Variants in SULT1C4 observed in about 807,000 individuals in gnomAD.
SULT1C4 encodes the protein sulfotransferase family 1C member 4, also known as sulfotransferase 1C4.
Under a neutral mutation model 34.8 loss-of-function variants are expected in SULT1C4, and 32 were observed. The observed-to-expected ratio is 0.92, with a 90% CI of 0.69 to 1.23. The LOEUF is 1.23. Among genes scored for constraint, SULT1C4 ranks in the 50% most tolerant of loss-of-function variants. The probability of loss-of-function intolerance (pLI) is 0.00; values close to 1 mark genes in which losing one functional copy is unlikely to be tolerated. For synonymous variants in SULT1C4, 111 were observed against 120.5 expected, an observed-to-expected ratio of 0.92 and a Z score of 0.51; for missense variants, 375 against 365.9, an observed-to-expected ratio of 1.02 and a Z score of -0.20.
intron 5 of SULT1C4, 147 bp from the exon 6 acceptor site, chr2:108,386,045 G>T (rs959914105): frequency 3.3e-6 from 2 of 610,450 alleles, no homozygotes; most frequent in Admixed American, 4.2e-5. Flanking sequence ...GGGTCATCAC[G>T]TTAAAATGAG....
Position 108,382,757 on chromosome 2 carries a change from A to C in SULT1C4, c.393+275A>C, listed in dbSNP as rs1573295706. 7.3e-6 allele frequency: 3 copies of C among 411,052 alleles called. No homozygotes were observed. The East Asian group carries it at 1.4e-4, about 20-fold the overall frequency. 25.5% of individuals were successfully genotyped at this position (411,052 alleles called of 1,614,324 possible). A position where few individuals can be genotyped will look rare whatever the true frequency, so the allele number is the denominator to read the frequency against. ...CATCTCTACCAAAAACACAAAATTC[A>C]CAGGACGTGGTGACACATGCCTGTA... On this transcript the variant is annotated intron_variant, in intron 3 of 6. Coordinates refer to ENST00000272452, the MANE Select transcript of SULT1C4 (RefSeq NM_006588.4).
intron 1 of SULT1C4, 61 bp from the exon 2 acceptor site, chr2:108,381,701 C>G: frequency 3.8e-6 from 5 of 1,315,318 alleles, no homozygotes; most frequent in Non-Finnish European, 4.9e-6. Context: ...AGTATTTGAT[C>G]ATATTTTAAG....
chr2:108,387,259 A>G, intron 6 of SULT1C4, 61 bp from the exon 7 acceptor site: 1 of 1,264,996 alleles, frequency 7.9e-7, no homozygotes, highest in Non-Finnish European at 1.1e-6. Context: ...GAAACAGGAG[A>G]ATAGGGAAGC....
In SULT1C4 at chr2:108,378,511, G is replaced by A. The variant is rs773766522; in HGVS notation, c.169+5G>A. On this transcript the variant is annotated splice_donor_5th_base_variant and intron_variant, in intron 1 of 6. Transcript: ENST00000272452. ...TTTCTACCTATCCTAAAGCAGGTAGGTGGAAGGGCTTGCAGGGGAAGGGGA... is the reference window on the plus strand; with the variant it reads ...TTTCTACCTATCCTAAAGCAGGTAGATGGAAGGGCTTGCAGGGGAAGGGGA... 6.2e-6 allele frequency: 10 copies of A among 1,613,350 alleles called. No individual in the cohort carries two copies. The highest frequency in any genetic ancestry group is 8.5e-6 in the Non-Finnish European group (10 of 1,179,624).
chr2:108,380,690 G>C (rs964370225), intron 1 of SULT1C4, among the ~76,000 whole-genome samples: 3 of 152,168 alleles, frequency 2.0e-5, no homozygotes, highest in Non-Finnish European at 2.9e-5. Flanking sequence ...TGAAGCTGGG[G>C]GATACCATTC....
chr2:108,387,349 A>G lies in SULT1C4; in HGVS notation c.826A>G (p.Thr276Ala), dbSNP rs1308247155. Residue 276 changes from threonine (T) to alanine (A), a missense_variant, in exon 7 of 7, where the codon ACC becomes GCC. Coordinates refer to ENST00000272452, the MANE Select transcript of SULT1C4 (RefSeq NM_006588.4). ...AGTGGGAGACTGGAAGAAACACTTC[A>G]CCGTGGCTCAGAATGAGAGATTTGA... ...GAVGDWKKHF[T>A]VAQNERFDED... is the part of the protein sequence containing the mutation. The G allele has an allele frequency of 6.2e-7, 1 of 1,613,818 alleles. No individual in the cohort carries two copies. The highest frequency in any genetic ancestry group is 1.7e-5 in the Admixed American group (1 of 59,964).
Position 108,381,825 on chromosome 2 carries a change from A to G in SULT1C4, c.233A>G (p.Lys78Arg). ...AATGAAGGTGATGTGGAGAAAAGTA[A>G]ACGGGCACCGACTCATCAACGATTT... ...IQNEGDVEKS[K>R]RAPTHQRFPF... Residue 78 changes from lysine (K) to arginine (R), a missense_variant, in exon 2 of 7, where the codon AAA becomes AGA. Coordinates refer to ENST00000272452, the MANE Select transcript of SULT1C4 (RefSeq NM_006588.4). 6.6e-7 allele frequency: 1 copy of G among 1,503,938 alleles called. No individual in the cohort carries two copies. Among genetic ancestry groups the G allele is most frequent in the Non-Finnish European group, 8.8e-7 (1 of 1,131,118 alleles). The allele number at this position is 1,503,938 out of a possible 1,614,324, so 93.2% of individuals were successfully genotyped here.
In SULT1C4 at chr2:108,386,229, T is replaced by C. The variant is rs1435244240; in HGVS notation, c.653T>C (p.Ile218Thr). 1.9e-6 allele frequency: 3 copies of C among 1,542,842 alleles called. No individual in the cohort carries two copies. Among genetic ancestry groups the C allele is most frequent in the East Asian group, 2.3e-5 (1 of 42,802 alleles). Residue 218 changes from isoleucine (I) to threonine (T), a missense_variant, in exon 6 of 7, where the codon ATT becomes ACT. By Grantham distance (89) the Ile-to-Thr change is moderately conservative (BLOSUM62 -1). Transcript: ENST00000272452. ...GAAATTCAGAAGCTGGCAGAATTTA[T>C]TGGGAAGAAATTAGATGACAAAGTT... Reference protein sequence around the residue: ...KHEIQKLAEFIGKKLDDKVLD... With the variant: ...KHEIQKLAEFTGKKLDDKVLD...
chr2:108,385,809 C>T (rs924407766), intron 5 of SULT1C4, among the ~76,000 whole-genome samples: 3 of 152,178 alleles, frequency 2.0e-5, no homozygotes, highest in Non-Finnish European at 2.9e-5. Context: ...ATGTCAGAAA[C>T]AGGATGTAGC....
At chr2:108,381,908 T>G in intron 2 of SULT1C4, 21 bp downstream of exon 2, 1 of 1,463,222 alleles carries the variant, frequency 6.8e-7, no homozygotes, top group East Asian at 2.6e-5. Context: ...ATAGCCACAC[T>G]TCACTACAGT....
intron 6 of SULT1C4, 133 bp from the exon 7 acceptor site, chr2:108,387,187 G>A: frequency 1.6e-6 from 1 of 628,314 alleles, no homozygotes; most frequent in Non-Finnish European, 2.7e-6. Context: ...TGACAGGATA[G>A]CAAGAGAAAC....
chr2:108,385,494 T>G (rs1042909648), intron 5 of SULT1C4, among the ~76,000 whole-genome samples: 1 of 152,200 alleles, frequency 6.6e-6, no homozygotes, highest in Non-Finnish European at 1.5e-5. Context: ...ATTTTTGACA[T>G]ACAAGCTTTT....
chr2:108,386,493 A>C (rs1678573205), intron 6 of SULT1C4, 121 bp downstream of exon 6: 8 of 805,956 alleles, frequency 9.9e-6, no homozygotes, highest in African/African-American at 1.8e-5. Flanking sequence ...TTTGGGGAAA[A>C]GAAGTATTTA....
At chr2:108,381,043 C>A (rs1025479964) in intron 1 of SULT1C4, among the ~76,000 whole-genome samples, 12 of 152,148 alleles carry the variant, frequency 7.9e-5, no homozygotes, top group African/African-American at 2.9e-4. Context: ...ATTCAGCCAA[C>A]AAATACTAAG....
At position 108,378,471 on chromosome 2, in the gene SULT1C4, C is replaced by A; in HGVS notation, c.134C>A (p.Pro45His). Residue 45 changes from proline (P) to histidine (H), a missense_variant, in exon 1 of 7, where the codon CCT becomes CAT. Transcript: ENST00000272452. ...WDKIWNFQAK[P>H]DDLLISTYPK... is the part of the protein sequence containing the mutation. ...AAGATCTGGAACTTCCAAGCCAAGCCTGATGACCTGCTTATTTCTACCTAT... is the reference window on the plus strand; with the variant it reads ...AAGATCTGGAACTTCCAAGCCAAGCATGATGACCTGCTTATTTCTACCTAT... 1 of 1,614,186 alleles carries A rather than the reference C, an allele frequency of 6.2e-7. No individual in the cohort carries two copies. The highest frequency in any genetic ancestry group is 1.1e-5 in the South Asian group (1 of 91,084).
At chr2:108,385,356 G>A (rs1469842373) in intron 5 of SULT1C4, among the ~76,000 whole-genome samples, 1 of 152,162 alleles carries the variant, frequency 6.6e-6, no homozygotes, top group Non-Finnish European at 1.5e-5. Context: ...TAACCTCAGA[G>A]TCCCTAAAAC....
chr2:108,388,826 C>T lies in SULT1C4; in HGVS notation c.*1394C>T, dbSNP rs1678636342. The stretch of plus-strand genomic sequence containing the variant: ...TACCAAGCCTCCTCCTGAAATTTCT[C>T]TTCCTTTCTTTCTACCTACCCAAGA... On this transcript the variant is annotated 3_prime_UTR_variant, in exon 7 of 7. Transcript: ENST00000272452. Among the ~76,000 whole-genome samples the T allele has an allele frequency of 6.6e-6, 1 of 152,122 alleles. No homozygotes were observed.
At chr2:108,379,734 C>T (rs964729184) in intron 1 of SULT1C4, among the ~76,000 whole-genome samples, 2 of 152,002 alleles carry the variant, frequency 1.3e-5, no homozygotes, top group South Asian at 2.1e-4. Context: ...AAGAAACAAG[C>T]ATAGATGGCA....
chr2:108,387,212 T>C, intron 6 of SULT1C4, 108 bp from the exon 7 acceptor site: 1 of 805,544 alleles, frequency 1.2e-6, no homozygotes, highest in African/African-American at 1.8e-5. Context: ...TGTCCAATAC[T>C]GCCCTTCCTA....
Sources: allele counts gnomAD v4.1 joint callset (sites outside exome capture counted in the v4.1 genomes callset), GRCh38; gene constraint gnomAD v4.1.1; transcripts MANE v1.5; gene names NCBI Gene and HGNC (gene_info 2026-07-23, HGNC 2026-07-21).